Variants in LRRC8C observed in about 807,000 individuals in gnomAD.
The protein encoded by LRRC8C is leucine rich repeat containing 8 VRAC subunit C.
In LRRC8C, 20 loss-of-function variants were observed where a neutral mutation model predicts 55.3. The ratio of observed to expected loss-of-function variants is 0.36; its 90% confidence interval spans 0.25 to 0.53. The LOEUF is 0.53. LRRC8C is among the 20% of genes least tolerant of loss of function. The pLI, the probability that LRRC8C is intolerant of heterozygous loss-of-function variation, is 0.92. For missense variants in LRRC8C, 659 were observed against 951.4 expected (o/e 0.69, Z 4.04); for synonymous variants, 376 against 360.7 (o/e 1.04, Z -0.48).
chr1:89,713,265 A>T lies in LRRC8C; in HGVS notation c.695A>T (p.Lys232Ile), dbSNP rs1231052863. 6.2e-7 allele frequency: 1 copy of T among 1,614,080 alleles called. No individual in the cohort carries two copies. Among genetic ancestry groups the T allele is most frequent in the Non-Finnish European group, 8.5e-7 (1 of 1,180,042 alleles). The change falls in exon 3 of 3, where the codon AAA (lysine) becomes ATA (isoleucine). Residue 232 changes from lysine to isoleucine, a missense_variant. Lys to Ile is a moderately radical substitution (Grantham distance 102). Around this residue, in one of 5 missense-constraint regions of LRRC8C, gnomAD observed 200 missense variants for 360.5 expected, o/e 0.55. Transcript: ENST00000370454. This position sits in a 1 kb window ranked among gnomAD's most constrained non-coding sequence, Gnocchi z 5.2. ...VDKSTAGALD[K>I]KEGEQAKALF... Reference sequence around the variant, plus strand: ...AAATCCACTGCAGGGGCTCTGGATAAAAAGGAAGGTGAGCAGGCTAAGGCC... The same window carrying T: ...AAATCCACTGCAGGGGCTCTGGATATAAAGGAAGGTGAGCAGGCTAAGGCC...
intron 2 of LRRC8C, among the ~76,000 whole-genome samples, chr1:89,695,291 T>C (rs1658144197): frequency 6.6e-6 from 1 of 152,228 alleles, no homozygotes; most frequent in Non-Finnish European, 1.5e-5. Context: ...AAATGTTAAG[T>C]TTCCTAAGAA....
chr1:89,685,506 A>C (rs553139575), intron 1 of LRRC8C, among the ~76,000 whole-genome samples: 1 of 152,026 alleles, frequency 6.6e-6, no homozygotes, highest in East Asian at 1.9e-4. Flanking sequence ...CCATAAGATA[A>C]AGAAAGGATA....
In LRRC8C at chr1:89,714,843, A is replaced by T. The variant is rs920190698; in HGVS notation, c.2273A>T (p.Asp758Val). The T allele has an allele frequency of 6.2e-7, 1 of 1,614,146 alleles. No individual in the cohort carries two copies. ...IGNLLFLSYL[D>V]VKGNHFEILP... Reference sequence around the variant, plus strand: ...AATTTGCTATTTCTTTCCTACTTAGATGTAAAAGGTAATCACTTTGAAATC... The same window carrying T: ...AATTTGCTATTTCTTTCCTACTTAGTTGTAAAAGGTAATCACTTTGAAATC... The change falls in exon 3 of 3, where the codon GAT becomes GTT. Residue 758 changes from aspartate to valine, a missense_variant. Coordinates refer to ENST00000370454, the MANE Select transcript of LRRC8C (RefSeq NM_032270.5). This position sits in a 1 kb window ranked among gnomAD's most constrained non-coding sequence, Gnocchi z 4.6.
chr1:89,640,893 A>G (rs1656437854), intron 1 of LRRC8C, among the ~76,000 whole-genome samples: 1 of 152,238 alleles, frequency 6.6e-6, no homozygotes, highest in African/African-American at 2.4e-5. Context: ...AAAATAAAAT[A>G]TATAAAATTA....
At chr1:89,666,256 G>T (rs1657259609) in intron 1 of LRRC8C, among the ~76,000 whole-genome samples, 1 of 152,114 alleles carries the variant, frequency 6.6e-6, no homozygotes, top group Non-Finnish European at 1.5e-5. Context: ...GTCCCTGGAA[G>T]TTGACAGAGG....
intron 2 of LRRC8C, among the ~76,000 whole-genome samples, chr1:89,702,483 C>T (rs918236155): frequency 6.6e-6 from 1 of 152,028 alleles, no homozygotes; most frequent in African/African-American, 2.4e-5. Flanking sequence ...ACCTGTAATC[C>T]CTGCACTTTG....
intron 2 of LRRC8C, among the ~76,000 whole-genome samples, chr1:89,704,653 A>G (rs936923308): frequency 2.0e-5 from 3 of 152,158 alleles, no homozygotes; most frequent in Non-Finnish European, 4.4e-5. Flanking sequence ...TTAAAAATAA[A>G]TGTTTTGCAC....
At chr1:89,690,253 G>A (rs1411847106) in intron 2 of LRRC8C, among the ~76,000 whole-genome samples, 1 of 152,136 alleles carries the variant, frequency 6.6e-6, no homozygotes, top group Non-Finnish European at 1.5e-5. Flanking sequence ...ACAGGCGTCT[G>A]TGCCTTATGG....
At chr1:89,662,226 A>G (rs1385884084) in intron 1 of LRRC8C, among the ~76,000 whole-genome samples, 1 of 152,240 alleles carries the variant, frequency 6.6e-6, no homozygotes, top group African/African-American at 2.4e-5. Context: ...TCATATTCAA[A>G]GCCATCCTGG....
chr1:89,651,764 C>T (rs1656791522), intron 1 of LRRC8C, among the ~76,000 whole-genome samples: 1 of 151,912 alleles, frequency 6.6e-6, no homozygotes, highest in Non-Finnish European at 1.5e-5. Flanking sequence ...TAGGCTAATT[C>T]AGAGATTTGC....
chr1:89,694,585 CTTTTTTTTT>C (rs33917661), intron 2 of LRRC8C, among the ~76,000 whole-genome samples: 3 of 83,282 alleles, frequency 3.6e-5, no homozygotes, highest in Non-Finnish European at 6.6e-5. Flanking sequence ...TGCCCAGCTT[CTTTTTTTTT>C]TTTTTTTTTT....
At chr1:89,681,539 C>T (rs1324044050) in intron 1 of LRRC8C, among the ~76,000 whole-genome samples, 1 of 152,160 alleles carries the variant, frequency 6.6e-6, no homozygotes, top group Non-Finnish European at 1.5e-5. Flanking sequence ...GTTTAATGGA[C>T]TCACAGTTCC....
At chr1:89,616,583 G>A in the LRRC8C span, among the ~76,000 whole-genome samples, 1 of 152,158 alleles carries the variant, frequency 6.6e-6, no homozygotes, top group Non-Finnish European at 1.5e-5. Context: ...ATTGGTTCAG[G>A]AGCTGACTCT....
intron 1 of LRRC8C, among the ~76,000 whole-genome samples, chr1:89,665,597 G>T (rs1657237374): frequency 6.6e-6 from 1 of 152,136 alleles, no homozygotes; most frequent in Non-Finnish European, 1.5e-5. Flanking sequence ...TGTGTTTTAA[G>T]CCAAATGTTA....
chr1:89,675,723 T>C (rs1035130622), intron 1 of LRRC8C, among the ~76,000 whole-genome samples: 14 of 152,218 alleles, frequency 9.2e-5, no homozygotes, highest in African/African-American at 3.4e-4. Flanking sequence ...CACACAGCCT[T>C]TTCAAGGGTT....
At chr1:89,694,419 A>G (rs1658108285) in intron 2 of LRRC8C, among the ~76,000 whole-genome samples, 2 of 152,000 alleles carry the variant, frequency 1.3e-5, no homozygotes, top group Admixed American at 1.3e-4. Flanking sequence ...TCTAGCAAAC[A>G]AGGACTTTCA....
At chr1:89,701,622 G>C (rs1336051384) in intron 2 of LRRC8C, among the ~76,000 whole-genome samples, 4 of 152,062 alleles carry the variant, frequency 2.6e-5, no homozygotes, top group Admixed American at 2.6e-4. Flanking sequence ...TGACATATAA[G>C]TTTACCTTGT....
intron 1 of LRRC8C, among the ~76,000 whole-genome samples, chr1:89,666,430 A>G (rs1400520009): frequency 6.6e-6 from 1 of 152,116 alleles, no homozygotes; most frequent in African/African-American, 2.4e-5. Flanking sequence ...TATATAAAGA[A>G]GCCCATGATT....
At chr1:89,682,691 A>T (rs1657753068) in intron 1 of LRRC8C, among the ~76,000 whole-genome samples, 1 of 152,240 alleles carries the variant, frequency 6.6e-6, no homozygotes, top group Non-Finnish European at 1.5e-5. Context: ...ACTTGAAATT[A>T]AAAAACCAGG....
Sources: gnomAD v4.1 joint callset for allele counts (sites outside exome capture counted in the v4.1 genomes callset) on GRCh38, gnomAD v4.1.1 for gene constraint, gnomAD v4.1.1 regional missense constraint, Gnocchi (gnomAD v3.1) non-coding constraint, MANE v1.5 for transcripts, NCBI Gene and HGNC (gene_info 2026-07-23, HGNC 2026-07-21) for gene names.